Variants in SYNCRIP observed in about 807,000 individuals in gnomAD.
SYNCRIP encodes heterogeneous nuclear ribonucleoprotein Q.
A neutral mutation model predicts 68.9 loss-of-function variants in SYNCRIP; 9 were observed. The observed-to-expected ratio is 0.13, with a 90% CI of 0.08 to 0.23. The LOEUF is 0.23. SYNCRIP is among the 10% of genes least tolerant of loss of function. The pLI is 1.00. For missense variants in SYNCRIP, 414 were observed against 770.6 expected (o/e 0.54, Z 5.48); for synonymous variants, 258 against 254.0 (o/e 1.02, Z -0.15).
At chr6:85,624,191 C>T in intron 6 of SYNCRIP, 79 bp from the exon 7 acceptor site, 1 of 1,386,442 alleles carries the variant, frequency 7.2e-7, no homozygotes, top group Admixed American at 2.1e-5. Flanking sequence ...TACACAAGAG[C>T]AAATCATCCT....
At chr6:85,621,628 A>G (rs894800478) in intron 8 of SYNCRIP, among the ~76,000 whole-genome samples, 1 of 148,762 alleles carries the variant, frequency 6.7e-6, no homozygotes, top group Non-Finnish European at 1.5e-5. Flanking sequence ...AAAAAAAAAG[A>G]GAACAAAGGA....
chr6:85,630,531 C>A (rs1224260756), intron 6 of SYNCRIP, among the ~76,000 whole-genome samples: 1 of 152,212 alleles, frequency 6.6e-6, no homozygotes, highest in Non-Finnish European at 1.5e-5. Flanking sequence ...ACATACCACA[C>A]AAATACATAA....
chr6:85,622,344 G>A (rs1806512721), intron 8 of SYNCRIP, 138 bp downstream of exon 8: 1 of 838,732 alleles, frequency 1.2e-6, no homozygotes, highest in Non-Finnish European at 1.8e-6. Flanking sequence ...ACTCCAGCCT[G>A]GGAAACATGG....
intron 1 of SYNCRIP, among the ~76,000 whole-genome samples, 176 bp from the exon 2 acceptor site, chr6:85,641,627 A>T (rs1809168263): frequency 6.6e-6 from 1 of 152,206 alleles, no homozygotes; most frequent in South Asian, 2.1e-4. Flanking sequence ...CACAGGGCAC[A>T]GAAGGACCGA....
chr6:85,636,701 C>A (rs1808494200), intron 6 of SYNCRIP, among the ~76,000 whole-genome samples: 1 of 152,122 alleles, frequency 6.6e-6, no homozygotes, highest in Admixed American at 6.6e-5. Context: ...TAAATTTAAA[C>A]AAACACACAA....
chr6:85,613,317 A>G (rs886109800), downstream of SYNCRIP, among the ~76,000 whole-genome samples: 5 of 152,346 alleles, frequency 3.3e-5, no homozygotes, highest in South Asian at 2.1e-4. Context: ...CAAACATCTC[A>G]GACTTGTTTG....
At chr6:85,608,864 TAA>T (rs1459013072) in exon 12 of SYNCRIP, 2 of 152,144 alleles carry the variant, frequency 1.3e-5, no homozygotes, top group East Asian at 1.9e-4. Context: ...TAATAGAATT[TAA>T]GTCTTAAATA....
chr6:85,625,576 C>T (rs527696674), intron 6 of SYNCRIP, among the ~76,000 whole-genome samples: 3 of 152,072 alleles, frequency 2.0e-5, no homozygotes, highest in South Asian at 4.1e-4. Context: ...TTAGTAGAGA[C>T]GGGGTTTCAC....
chr6:85,619,619 C>T (rs1318191236), intron 8 of SYNCRIP, among the ~76,000 whole-genome samples: 1 of 152,026 alleles, frequency 6.6e-6, no homozygotes, highest in Admixed American at 6.6e-5. Context: ...GAAATAGATG[C>T]TTTGCCAAAA....
Position 85,635,553 on chromosome 6 carries a change from T to C in SYNCRIP, c.666+1414A>G, listed in dbSNP as rs570828508. ...GCGGGGCTGAGGCAGGCATATCTTC[T>C]GAGGTCAAGAGTTCATGACCAGCCT... On this transcript the variant is annotated intron_variant, in intron 6 of 10. Coordinates refer to ENST00000369622, the MANE Select transcript of SYNCRIP (RefSeq NM_006372.5). Among the ~76,000 whole-genome samples, 20 of 152,156 alleles carry C rather than the reference T, an allele frequency of 1.3e-4. No homozygotes were observed. The South Asian group carries it at 4.1e-3, about 32-fold the overall frequency.
At chr6:85,607,885 T>C (rs1215304706), downstream of SYNCRIP, 1 of 152,040 alleles carries the variant, frequency 6.6e-6, no homozygotes, top group Admixed American at 6.5e-5. Context: ...TCAATATAAA[T>C]GTTGTTAATC....
At chr6:85,627,360 A>G (rs952204537) in intron 6 of SYNCRIP, among the ~76,000 whole-genome samples, 2 of 152,128 alleles carry the variant, frequency 1.3e-5, no homozygotes, top group African/African-American at 4.8e-5. Context: ...CATTAAGCGA[A>G]CAAAGTAAGG....
At chr6:85,622,329 A>G (rs1384509738) in intron 8 of SYNCRIP, among the ~76,000 whole-genome samples, 153 bp downstream of exon 8, 1 of 152,212 alleles carries the variant, frequency 6.6e-6, no homozygotes, top group Non-Finnish European at 1.5e-5. Context: ...AGATGGCACC[A>G]TGGCACTCCA....
At chr6:85,641,157 T>C in intron 2 of SYNCRIP, 135 bp downstream of exon 2, 1 of 682,830 alleles carries the variant, frequency 1.5e-6, no homozygotes, top group South Asian at 1.9e-5. Context: ...CAAACTTAAA[T>C]TAACCAACTA....
chr6:85,617,619 T>A (rs2128280683), intron 10 of SYNCRIP, among the ~76,000 whole-genome samples: 1 of 152,338 alleles, frequency 6.6e-6, no homozygotes, highest in South Asian at 2.1e-4. Context: ...TATTACATAA[T>A]TTTGTCTGAT....
intron 6 of SYNCRIP, among the ~76,000 whole-genome samples, chr6:85,624,544 C>T (rs2128287479): frequency 6.6e-6 from 1 of 152,300 alleles, no homozygotes; most frequent in Admixed American, 6.5e-5. Context: ...TAAGAAATTT[C>T]AGGCTTCAAA....
downstream of SYNCRIP, chr6:85,612,772 T>G: frequency 8.7e-7 from 1 of 1,154,734 alleles, no homozygotes; most frequent in Non-Finnish European, 1.2e-6. Context: ...TAGGAAGGTC[T>G]TCTGCAATAG....
chr6:85,630,610 G>A (rs1738815692), intron 6 of SYNCRIP, among the ~76,000 whole-genome samples: 2 of 152,120 alleles, frequency 1.3e-5, no homozygotes, highest in Non-Finnish European at 2.9e-5. Flanking sequence ...CCCTAGGTAG[G>A]TAAGGGAAGA....
intron 1 of SYNCRIP, 141 bp from the exon 2 acceptor site, chr6:85,641,592 A>T: frequency 1.3e-6 from 1 of 794,800 alleles, no homozygotes; most frequent in Non-Finnish European, 1.9e-6. Context: ...TACAGTCACT[A>T]TCGCCTGACA....
Sources: gnomAD v4.1 joint callset for allele counts (sites outside exome capture counted in the v4.1 genomes callset) on GRCh38, gnomAD v4.1.1 for gene constraint, MANE v1.5 for transcripts, NCBI Gene and HGNC (gene_info 2026-07-23, HGNC 2026-07-21) for gene names.